PEMT: variants seen among roughly 807,000 people sequenced by gnomAD.
PEMT encodes the protein phospholipid methyltransferase.
PEMT carries 23 observed loss-of-function variants against 27.4 expected under a neutral mutation model. The observed-to-expected ratio is 0.84, with a 90% CI of 0.60 to 1.19. PEMT has a LOEUF of 1.19. Ranked by LOEUF, PEMT falls within the 50% of genes most tolerant of loss-of-function variation. The probability of loss-of-function intolerance (pLI) is 0.00; values close to 1 mark genes in which losing one functional copy is unlikely to be tolerated. For missense variants in PEMT, 307 were observed against 310.1 expected, an observed-to-expected ratio of 0.99 and a Z score of 0.07; for synonymous variants, 137 against 139.1, an observed-to-expected ratio of 0.98 and a Z score of 0.11.
chr17:17,514,491 A>G (rs1472760604), intron 3 of PEMT, among the ~76,000 whole-genome samples: 2 of 152,228 alleles, frequency 1.3e-5, no homozygotes, highest in Non-Finnish European at 2.9e-5. Flanking sequence ...CCGGTGGCAG[A>G]GGCGGGCACA....
At chr17:17,516,282 A>C (rs938329051) in intron 3 of PEMT, among the ~76,000 whole-genome samples, 3 of 152,110 alleles carry the variant, frequency 2.0e-5, no homozygotes, top group Admixed American at 6.5e-5. Flanking sequence ...ATATTAAAAT[A>C]AGCATGTAAC....
rs887261420 is a variant in PEMT, at chr17:17,513,666, C to A, written c.321-1012G>T. Among the ~76,000 whole-genome samples the A allele has an allele frequency of 2.0e-5, 3 of 152,096 alleles. No individual in the cohort carries two copies. The highest frequency in any genetic ancestry group is 7.2e-5 in the African/African-American group (3 of 41,418). ...AGCAGTGGGTCTAGAGGCTCAGGTT[C>A]TCCAGTTGGCTCCGGAGAACTGAGG... On this transcript the variant is annotated intron_variant, in intron 3 of 6. Transcript: ENST00000255389. This position sits in a 1 kb window ranked among gnomAD's most constrained non-coding sequence, Gnocchi z 4.1.
At chr17:17,546,117 G>A (rs1909245340) in intron 2 of PEMT, among the ~76,000 whole-genome samples, 1 of 152,182 alleles carries the variant, frequency 6.6e-6, no homozygotes, top group Admixed American at 6.5e-5. Flanking sequence ...GTGGGGCCGA[G>A]CCTCCCCACA....
chr17:17,574,213 C>G (rs1322349106), intron 2 of PEMT, among the ~76,000 whole-genome samples: 3 of 131,336 alleles, frequency 2.3e-5, no homozygotes, highest in African/African-American at 8.9e-5. Flanking sequence ...GAAAAACTAT[C>G]TCAAAATGAG....
intron 2 of PEMT, among the ~76,000 whole-genome samples, chr17:17,568,307 C>G (rs1010402453): frequency 6.6e-6 from 1 of 152,220 alleles, no homozygotes; most frequent in Non-Finnish European, 1.5e-5. Context: ...CCCTGTCTCC[C>G]CACGCATTAC....
chr17:17,575,832 T>A lies in PEMT; in HGVS notation c.204+1088A>T, dbSNP rs149694252. Among the ~76,000 whole-genome samples the A allele has an allele frequency of 3.0e-4, 46 of 152,256 alleles. No homozygotes were observed. The East Asian group carries it at 4.3e-3, about 14-fold the overall frequency. On this transcript the variant is annotated intron_variant, in intron 2 of 6. Transcript: ENST00000255389. Reference sequence around the variant, plus strand: ...AGGACAGCAGGAACAGGGCATTCTTTGGAATGCACTGTCTTTGACATGAGC... The same window carrying A: ...AGGACAGCAGGAACAGGGCATTCTTAGGAATGCACTGTCTTTGACATGAGC...
At position 17,552,654 on chromosome 17, in the gene PEMT, C is replaced by T. The variant is rs909238129; in HGVS notation, c.204+24266G>A. 2.6e-5 allele frequency among the ~76,000 whole-genome samples: 4 copies of T among 152,234 alleles called. No individual in the cohort carries two copies. The East Asian group carries it at 7.7e-4, about 29-fold the overall frequency. On this transcript the variant is annotated intron_variant, in intron 2 of 6. Transcript: ENST00000255389. Reference sequence around the variant, plus strand: ...CACGGTGGCCCTGCGTGGAGATGCCCCTCTCATGGAAATGTGCTTGATCCA... The same window carrying T: ...CACGGTGGCCCTGCGTGGAGATGCCTCTCTCATGGAAATGTGCTTGATCCA...
chr17:17,537,153 A>T (rs763485391), intron 2 of PEMT, among the ~76,000 whole-genome samples: 2 of 152,194 alleles, frequency 1.3e-5, no homozygotes, highest in Non-Finnish European at 2.9e-5. Context: ...CTGCTTACAC[A>T]GATGGCTCTG....
chr17:17,565,775 T>G (rs1027342897), intron 2 of PEMT, among the ~76,000 whole-genome samples: 2 of 152,246 alleles, frequency 1.3e-5, no homozygotes, highest in Non-Finnish European at 2.9e-5. Context: ...AGAAGTACTC[T>G]CCAAGATGTA....
intron 2 of PEMT, among the ~76,000 whole-genome samples, chr17:17,559,286 T>A (rs1427486755): frequency 6.6e-6 from 1 of 152,222 alleles, no homozygotes; most frequent in African/African-American, 2.4e-5. Context: ...ACGTTAGGAC[T>A]TCCCATGCAA....
chr17:17,505,998 G>C, intron 6 of PEMT, 150 bp from the exon 7 acceptor site: 2 of 1,323,880 alleles, frequency 1.5e-6, no homozygotes, highest in South Asian at 3.1e-5. Context: ...CACTGACTTG[G>C]AGCCTTCAGA....
At chr17:17,505,909 C>A in intron 6 of PEMT, 61 bp from the exon 7 acceptor site, 1 of 1,544,066 alleles carries the variant, frequency 6.5e-7, no homozygotes. Context: ...ACTGCCCGCA[C>A]CAGAGCTCTG....
chr17:17,547,854 C>T (rs1015184695), intron 2 of PEMT, among the ~76,000 whole-genome samples: 3 of 152,178 alleles, frequency 2.0e-5, no homozygotes, highest in Admixed American at 2.0e-4. Flanking sequence ...AGCCAGAACA[C>T]GCTAGTGAGG....
intron 2 of PEMT, among the ~76,000 whole-genome samples, chr17:17,527,859 C>T (rs1258663345): frequency 2.0e-5 from 3 of 152,346 alleles, no homozygotes; most frequent in Non-Finnish European, 1.5e-5. Context: ...CTGCGGCCAG[C>T]CCTTGATGGA....
Position 17,555,472 on chromosome 17 carries a change from G to T in PEMT, c.204+21448C>A, listed in dbSNP as rs139882374. 1.4e-3 allele frequency among the ~76,000 whole-genome samples: 206 copies of T among 152,336 alleles called. 1 individual carries two copies. Among genetic ancestry groups the T allele is most frequent in the African/African-American group, 4.9e-3 (202 of 41,574 alleles). The stretch of plus-strand genomic sequence containing the variant: ...ACAGTTTCCCCTGCAAGGTGAGGAG[G>T]AACTTTCCAGAACTGCCACCTCTAG... On this transcript the variant is annotated intron_variant, in intron 2 of 6. Transcript: ENST00000255389.
intron 2 of PEMT, chr17:17,571,030 C>G (rs1911163514): frequency 5.5e-6 from 2 of 365,250 alleles, no homozygotes; most frequent in South Asian, 1.1e-4. Flanking sequence ...TCCTGAAGCC[C>G]TGAGGAGTCC....
At chr17:17,554,678 G>A (rs9905560) in intron 2 of PEMT, among the ~76,000 whole-genome samples, 185 of 152,194 alleles carry the variant, frequency 1.2e-3, no homozygotes, top group African/African-American at 4.4e-3. Context: ...TGTAGTGACA[G>A]GATCTTGGCT....
intron 2 of PEMT, among the ~76,000 whole-genome samples, chr17:17,524,526 G>C (rs907538664): frequency 6.6e-6 from 1 of 151,624 alleles, no homozygotes; most frequent in Non-Finnish European, 1.5e-5. Context: ...CACTTCGGGA[G>C]GCTGAGGTGA....
intron 2 of PEMT, among the ~76,000 whole-genome samples, chr17:17,535,434 C>T (rs561276690): frequency 3.0e-4 from 45 of 152,042 alleles, no homozygotes; most frequent in African/African-American, 8.2e-4. Context: ...AGCATGGTGG[C>T]ATGTGCCTGT....
Sources: gnomAD v4.1 joint callset for allele counts (sites outside exome capture counted in the v4.1 genomes callset) on GRCh38, gnomAD v4.1.1 for gene constraint, Gnocchi (gnomAD v3.1) non-coding constraint, MANE v1.5 for transcripts, NCBI Gene and HGNC (gene_info 2026-07-23, HGNC 2026-07-21) for gene names.